The following DAB1 variants were observed in gnomAD, a reference collection of about 807,000 sequenced individuals.
The protein encoded by DAB1 is DAB adaptor protein 1.
A neutral mutation model predicts 64.6 loss-of-function variants in DAB1; 15 were observed. That is an observed-to-expected ratio of 0.23 (90% CI 0.16 to 0.36). DAB1 has a LOEUF of 0.36. DAB1 is among the 10% of genes least tolerant of loss of function. DAB1 has a pLI of 1.00. For missense variants in DAB1, 596 were observed against 706.7 expected (o/e 0.84, Z 1.78); for synonymous variants, 235 against 251.9 (o/e 0.93, Z 0.64).
At chr1:57,217,426 G>T (rs143986633) in intron 2 of DAB1, among the ~76,000 whole-genome samples, 1 of 152,034 alleles carries the variant, frequency 6.6e-6, no homozygotes, top group Non-Finnish European at 1.5e-5. Context: ...TGTCCTTATC[G>T]GTCCAAAAAT....
chr1:57,281,940 G>C (rs1370967498), intron 2 of DAB1, among the ~76,000 whole-genome samples: 1 of 152,006 alleles, frequency 6.6e-6, no homozygotes, highest in Non-Finnish European at 1.5e-5. Context: ...CTAGCACTTT[G>C]GGAGGCTGAG....
At chr1:57,806,152 C>T (rs754818060) in intron 6 of DAB1, among the ~76,000 whole-genome samples, 1 of 152,172 alleles carries the variant, frequency 6.6e-6, no homozygotes, top group Non-Finnish European at 1.5e-5. Context: ...TGTACTCTTT[C>T]CTTTGTTCAC....
chr1:58,472,105 C>T (rs1465754459), intron 3 of DAB1, among the ~76,000 whole-genome samples: 1 of 152,108 alleles, frequency 6.6e-6, no homozygotes, highest in Non-Finnish European at 1.5e-5. Flanking sequence ...AACCAGGGTC[C>T]CTCTGATCAT....
intron 3 of DAB1, among the ~76,000 whole-genome samples, chr1:58,435,470 T>C (rs755218594): frequency 6.6e-6 from 1 of 152,180 alleles, no homozygotes; most frequent in Non-Finnish European, 1.5e-5. Flanking sequence ...CGGTAACCCA[T>C]GTGTTCAGGC....
chr1:58,064,888 A>G lies in DAB1; in HGVS notation n.387+85623T>C, dbSNP rs567496743. Among the ~76,000 whole-genome samples the G allele has an allele frequency of 2.6e-5, 4 of 151,866 alleles. No individual in the cohort carries two copies. In the South Asian group the frequency reaches 8.3e-4, roughly 32 times the overall value. On this transcript the variant is annotated intron_variant and non_coding_transcript_variant, in intron 5 of 20. Transcript: ENST00000485760. The stretch of plus-strand genomic sequence containing the variant: ...CAGGCGCCCGCCACCACGCCCGGCT[A>G]ATTTTTTGTATTTTTAGTAGGGACG...
intron 2 of DAB1, among the ~76,000 whole-genome samples, chr1:57,203,071 T>C (rs996578692): frequency 4.6e-5 from 7 of 152,144 alleles, no homozygotes; most frequent in African/African-American, 1.4e-4. Context: ...CAGCAGCAGA[T>C]TGGGGTATAA....
At chr1:58,115,964 T>C (rs1396222834) in intron 5 of DAB1, among the ~76,000 whole-genome samples, 3 of 113,814 alleles carry the variant, frequency 2.6e-5, no homozygotes, top group African/African-American at 1.3e-4. Context: ...AATGTGCACA[T>C]GTACCCTAAA....
At position 57,606,735 on chromosome 1, in the gene DAB1, T is replaced by C. The variant is rs1558536001; in HGVS notation, n.625+42857A>G. Among the ~76,000 whole-genome samples, 6 of 134,988 alleles carry C rather than the reference T, an allele frequency of 4.4e-5. No individual in the cohort carries two copies. The South Asian group carries it at 6.6e-4, about 15-fold the overall frequency. The allele number at this position is 134,988 out of a possible 152,430, so 88.6% of individuals were successfully genotyped here. A position where few individuals can be genotyped will look rare whatever the true frequency, so the allele number is the denominator to read the frequency against. On this transcript the variant is annotated intron_variant and non_coding_transcript_variant, in intron 7 of 20. Transcript: ENST00000485760. ...ATGTATGAAATATATTTATATGAAA[T>C]ATATATTATATAAATATATTCTATA...
At chr1:58,495,618 G>T (rs1645786681) in intron 3 of DAB1, among the ~76,000 whole-genome samples, 1 of 151,770 alleles carries the variant, frequency 6.6e-6, no homozygotes, top group Admixed American at 6.6e-5. Context: ...ATTGTCAGTA[G>T]ATTCTGGAAA....
chr1:57,534,163 T>G (rs1558469104), intron 7 of DAB1, among the ~76,000 whole-genome samples: 1 of 152,110 alleles, frequency 6.6e-6, no homozygotes, highest in Non-Finnish European at 1.5e-5. Context: ...GAAATGAAAT[T>G]ATAGGACTGG....
At chr1:58,134,325 G>A (rs1452663401) in intron 5 of DAB1, among the ~76,000 whole-genome samples, 2 of 152,096 alleles carry the variant, frequency 1.3e-5, no homozygotes, top group African/African-American at 2.4e-5. Context: ...GAAAGGGCCA[G>A]GCAGCTATTT....
chr1:57,757,203 T>A (rs1243373329), intron 6 of DAB1, among the ~76,000 whole-genome samples: 1 of 87,594 alleles, frequency 1.1e-5, no homozygotes. Context: ...GCAGAATTTT[T>A]TTTTTTTTTT....
At position 58,407,586 on chromosome 1, in the gene DAB1, G is replaced by A. The variant is rs369008657; in HGVS notation, n.258-64183C>T. 6.1e-4 allele frequency among the ~76,000 whole-genome samples: 93 copies of A among 152,240 alleles called. 3 individuals carry two copies. In the South Asian group the frequency reaches 0.019, roughly 31 times the overall value. Reference sequence around the variant, plus strand: ...AGGATGCTGCTAAGTATCCCACAGTGCACAAGGACAGCCACCTACAACAAA... The same window carrying A: ...AGGATGCTGCTAAGTATCCCACAGTACACAAGGACAGCCACCTACAACAAA... On this transcript the variant is annotated intron_variant and non_coding_transcript_variant, in intron 3 of 20. Coordinates refer to the DAB1 transcript ENST00000485760.
intron 4 of DAB1, among the ~76,000 whole-genome samples, chr1:58,228,418 T>C (rs566888371): frequency 4.6e-5 from 7 of 152,252 alleles, no homozygotes; most frequent in Admixed American, 2.0e-4. Flanking sequence ...ATTTAAGAAA[T>C]TTTATTGCTC....
rs541325233 is a variant in DAB1, at chr1:57,158,601, C to G, written c.68-13172G>C. ...ATTGTGGGGGAATTTCAGGGCCCAG[C>G]AGACAGATAACTTATTTTACTCTAA... On this transcript the variant is annotated intron_variant, in intron 2 of 14. Transcript: ENST00000371236. Among the ~76,000 whole-genome samples the G allele has an allele frequency of 8.5e-5, 13 of 152,270 alleles. No homozygotes were observed. The East Asian group carries it at 2.5e-3, about 29-fold the overall frequency.
chr1:57,465,448 G>A lies in DAB1; in HGVS notation n.626-174282C>T, dbSNP rs1314640216. 3.9e-5 allele frequency among the ~76,000 whole-genome samples: 6 copies of A among 152,180 alleles called. 1 individual carries two copies. The highest frequency in any genetic ancestry group is 3.9e-4 in the Admixed American group (6 of 15,270). On this transcript the variant is annotated intron_variant and non_coding_transcript_variant, in intron 7 of 20. Coordinates refer to the DAB1 transcript ENST00000485760. ...TCCCTGAACAAATGAATGAATGAAT[G>A]AATGACATGAATGAACATCAGTGAG...
intron 5 of DAB1, among the ~76,000 whole-genome samples, chr1:57,892,775 G>A (rs1644336351): frequency 6.6e-6 from 1 of 152,180 alleles, no homozygotes; most frequent in Admixed American, 6.5e-5. Context: ...GACCCTGTCT[G>A]GTGTCTGTGA....
chr1:57,197,497 T>A (rs2100248452), intron 2 of DAB1, among the ~76,000 whole-genome samples: 1 of 152,338 alleles, frequency 6.6e-6, no homozygotes, highest in South Asian at 2.1e-4. Flanking sequence ...TTTTAAAAAC[T>A]GACATTAAAG....
intron 1 of DAB1, among the ~76,000 whole-genome samples, chr1:57,320,323 CT>C (rs1305265912): frequency 1.3e-5 from 2 of 152,160 alleles, no homozygotes; most frequent in African/African-American, 2.4e-5. Flanking sequence ...TGCAGGTATT[CT>C]TTACAGCAGT....
Sources: gnomAD v4.1 joint callset for allele counts (sites outside exome capture counted in the v4.1 genomes callset) on GRCh38, gnomAD v4.1.1 for gene constraint, MANE v1.5 for transcripts, NCBI Gene and HGNC (gene_info 2026-07-23, HGNC 2026-07-21) for gene names.